The following HEATR5B variants were observed in gnomAD, a reference collection of about 807,000 sequenced individuals.
The protein encoded by HEATR5B is HEAT repeat containing 5B.
HEATR5B carries 156 observed loss-of-function variants against 224.1 expected under a neutral mutation model. The ratio of observed to expected loss-of-function variants is 0.70; its 90% CI spans 0.61 to 0.80. HEATR5B has a LOEUF of 0.80. HEATR5B is among the 30% of genes least tolerant of loss of function. The pLI is 0.00. For missense variants in HEATR5B, 2,323 were observed against 2,535.5 expected, an observed-to-expected ratio of 0.92 and a Z score of 1.80; for synonymous variants, 1,027 against 893.0, an observed-to-expected ratio of 1.15 and a Z score of -2.68.
At chr2:37,047,035 CAAA>C (rs57343074) in intron 18 of HEATR5B, among the ~76,000 whole-genome samples, 3 of 45,422 alleles carry the variant, frequency 6.6e-5, no homozygotes, top group African/African-American at 1.8e-4. Context: ...GACTCCACCT[CAAA>C]AAAAAAAAAA....
chr2:37,071,786 GCGATT>G (rs1476227957), intron 6 of HEATR5B, among the ~76,000 whole-genome samples: 2 of 151,768 alleles, frequency 1.3e-5, no homozygotes, highest in Non-Finnish European at 2.9e-5. Flanking sequence ...CCGGGTTCAT[GCGATT>G]CTCCTGCCTC....
intron 35 of HEATR5B, 147 bp from the exon 36 acceptor site, chr2:36,981,941 A>G (rs1025948098): frequency 2.2e-6 from 1 of 458,896 alleles, no homozygotes; most frequent in Non-Finnish European, 3.8e-6. Flanking sequence ...CTCGTAATTA[A>G]TATTAAATAT....
intron 33 of HEATR5B, among the ~76,000 whole-genome samples, chr2:36,993,061 G>C (rs1666442541): frequency 6.6e-6 from 1 of 152,194 alleles, no homozygotes; most frequent in South Asian, 2.1e-4. Context: ...AAGAAGATGG[G>C]GCATCTAAAT....
intron 20 of HEATR5B, among the ~76,000 whole-genome samples, chr2:37,039,892 A>G (rs1669769786): frequency 6.6e-6 from 1 of 152,208 alleles, no homozygotes; most frequent in Non-Finnish European, 1.5e-5. Context: ...AAATTAGCTA[A>G]TATCTTTTTC....
intron 18 of HEATR5B, among the ~76,000 whole-genome samples, chr2:37,048,569 C>T (rs1223629807): frequency 6.6e-6 from 1 of 152,054 alleles, no homozygotes; most frequent in Non-Finnish European, 1.5e-5. Flanking sequence ...TCCTACTTCA[C>T]CTGTTATGAA....
At chr2:36,987,760 T>G (rs569994402) in intron 35 of HEATR5B, among the ~76,000 whole-genome samples, 1 of 152,212 alleles carries the variant, frequency 6.6e-6, no homozygotes, top group South Asian at 2.1e-4. Context: ...TTATGAAGAT[T>G]AGAATATATT....
At chr2:37,000,042 A>C (rs898471177) in intron 33 of HEATR5B, among the ~76,000 whole-genome samples, 4 of 151,692 alleles carry the variant, frequency 2.6e-5, no homozygotes, top group Non-Finnish European at 4.4e-5. Context: ...CAAAAACCCC[A>C]AAAAACAAAA....
At chr2:37,023,635 G>A (rs1038835977) in intron 24 of HEATR5B, among the ~76,000 whole-genome samples, 1 of 151,954 alleles carries the variant, frequency 6.6e-6, no homozygotes, top group Non-Finnish European at 1.5e-5. Flanking sequence ...TGGACATGGC[G>A]GCGGGTGCCT....
At position 37,058,909 on chromosome 2, in the gene HEATR5B, C is replaced by A; in HGVS notation, c.1928G>T (p.Cys643Phe). 6.2e-7 allele frequency: 1 copy of A among 1,606,020 alleles called. No individual in the cohort carries two copies. The highest frequency in any genetic ancestry group is 8.5e-7 in the Non-Finnish European group (1 of 1,174,542). The change falls in exon 13 of 36, where the codon TGT becomes TTT. Residue 643 changes from cysteine (C) to phenylalanine (F), a missense_variant. Cys to Phe is a radical substitution (Grantham distance 205). Coordinates refer to ENST00000233099, the MANE Select transcript of HEATR5B (RefSeq NM_019024.3). ...VIRKLMTPIE[C>F]AMTMMSHIPS... ...TTACTGTGACATCATAGTCATGGCA[C>A]ATTCAATAGGGGTCATCAATTTTCG...
chr2:36,984,994 T>G (rs1014531271), intron 35 of HEATR5B, among the ~76,000 whole-genome samples: 2 of 152,196 alleles, frequency 1.3e-5, no homozygotes, highest in Non-Finnish European at 2.9e-5. Context: ...AATATAATTC[T>G]AATATTTTTA....
chr2:37,026,518 G>A (rs1366909443), intron 24 of HEATR5B, among the ~76,000 whole-genome samples: 1 of 152,094 alleles, frequency 6.6e-6, no homozygotes, highest in African/African-American at 2.4e-5. Context: ...TGAATACCAT[G>A]TGTTTTTTAA....
intron 1 of HEATR5B, among the ~76,000 whole-genome samples, chr2:37,083,919 G>C (rs1672797136): frequency 6.6e-6 from 1 of 152,208 alleles, no homozygotes; most frequent in African/African-American, 2.4e-5. Context: ...AGGTCTCCAA[G>C]ACTCTTCCTA....
chr2:36,988,631 T>C lies in HEATR5B; in HGVS notation c.5911+15A>G. 1 of 1,587,732 alleles carries C rather than the reference T, an allele frequency of 6.3e-7. No homozygotes were observed. Among genetic ancestry groups the C allele is most frequent in the South Asian group, 1.1e-5 (1 of 90,252 alleles). ...TTCATTCTGAACTAGTAGCTTTTTA[T>C]AAGAATATACTTACTGTTTTGTTCT... On this transcript the variant is annotated intron_variant, in intron 35 of 35. Transcript: ENST00000233099.
At chr2:37,077,047 A>G in intron 3 of HEATR5B, 28 bp from the exon 4 acceptor site, 3 of 1,496,696 alleles carry the variant, frequency 2.0e-6, no homozygotes, top group East Asian at 4.5e-5. Flanking sequence ...TTCACTAGTC[A>G]TTGTCCAGGT....
intron 21 of HEATR5B, among the ~76,000 whole-genome samples, chr2:37,033,765 T>G (rs1669290412): frequency 6.6e-6 from 1 of 152,328 alleles, no homozygotes; most frequent in Admixed American, 6.5e-5. Flanking sequence ...AGCCCCTCTG[T>G]GCCTTGATTT....
chr2:37,034,329 G>C (rs1231756009), intron 21 of HEATR5B, among the ~76,000 whole-genome samples: 1 of 143,698 alleles, frequency 7.0e-6, no homozygotes, highest in Non-Finnish European at 1.5e-5. Flanking sequence ...TTAAGACATC[G>C]CCGGCCGGGC....
At chr2:37,029,037 G>T in intron 22 of HEATR5B, 117 bp from the exon 23 acceptor site, 1 of 959,774 alleles carries the variant, frequency 1.0e-6, no homozygotes. Flanking sequence ...AAACCAGCTA[G>T]CTATATACAA....
chr2:37,028,012 A>T lies in HEATR5B; in HGVS notation c.3764T>A (p.Leu1255Gln), dbSNP rs1294979333. ...WATRVFAADC[L>Q]CRIINLCENA... Reference sequence around the variant, plus strand: ...CTCACACAAATTGATGATTCGACACAGGCAATCGGCAGCAAATACTCGAGT... The same window carrying T: ...CTCACACAAATTGATGATTCGACACTGGCAATCGGCAGCAAATACTCGAGT... Residue 1255 changes from leucine to glutamine, a missense_variant, in exon 24 of 36, where the codon CTG becomes CAG. Leu to Gln is a moderately radical substitution (Grantham distance 113). Around this residue, in one of 12 missense-constraint regions of HEATR5B, gnomAD observed 339 missense variants for 378.4 expected, o/e 0.90. Transcript: ENST00000233099. 6.2e-7 allele frequency: 1 copy of T among 1,614,134 alleles called. No individual in the cohort carries two copies. Among genetic ancestry groups the T allele is most frequent in the South Asian group, 1.1e-5 (1 of 91,082 alleles).
At chr2:37,034,544 C>T (rs1384406241) in intron 21 of HEATR5B, among the ~76,000 whole-genome samples, 2 of 129,650 alleles carry the variant, frequency 1.5e-5, no homozygotes, top group Non-Finnish European at 3.2e-5. Context: ...ACCCGGGAGG[C>T]GGAGCTTGCA....
Sources: allele counts gnomAD v4.1 joint callset (sites outside exome capture counted in the v4.1 genomes callset), GRCh38; gene constraint gnomAD v4.1.1; regional missense constraint gnomAD v4.1.1; transcripts MANE v1.5; gene names NCBI Gene and HGNC (gene_info 2026-07-23, HGNC 2026-07-21).